Variants in L3MBTL3 observed in about 807,000 individuals in gnomAD.
L3MBTL3 encodes the protein L3MBTL histone methyl-lysine binding protein 3.
Under a neutral mutation model 102.3 loss-of-function variants are expected in L3MBTL3, and 27 were observed. The ratio of observed to expected loss-of-function variants is 0.26; its 90% confidence interval spans 0.19 to 0.36. The LOEUF is 0.36. L3MBTL3 is among the 10% of genes least tolerant of loss of function. L3MBTL3 has a pLI of 1.00. For synonymous variants in L3MBTL3, 340 were observed against 320.9 expected (o/e 1.06, Z -0.64); for missense variants, 798 against 955.3 (o/e 0.84, Z 2.17).
intron 14 of L3MBTL3, among the ~76,000 whole-genome samples, chr6:130,081,411 G>T (rs1289476027): frequency 6.8e-6 from 1 of 148,036 alleles, no homozygotes; most frequent in Non-Finnish European, 1.5e-5. Flanking sequence ...CTATGTTTGC[G>T]TATTAACTCC....
rs939187634 is a variant in L3MBTL3 at position 130,088,500 on chromosome 6, A to G, written c.1518+2250A>G. On this transcript the variant is annotated intron_variant, in intron 16 of 22. Transcript: ENST00000361794. ...GTTTTTCAGGGATAAAATCAACTCA[A>G]GTAAAATCATCTTTTAAGATTACAT... 3.3e-5 allele frequency among the ~76,000 whole-genome samples: 5 copies of G among 152,214 alleles called. No homozygotes were observed. In the East Asian group the frequency reaches 9.6e-4, roughly 29 times the overall value.
intron 2 of L3MBTL3, among the ~76,000 whole-genome samples, chr6:130,023,660 T>G (rs1779152506): frequency 6.6e-6 from 1 of 152,168 alleles, no homozygotes; most frequent in African/African-American, 2.4e-5. Context: ...CATCTTTTGT[T>G]AAAAGAATCA....
At chr6:130,070,639 A>G (rs1036132740) in intron 12 of L3MBTL3, among the ~76,000 whole-genome samples, 2 of 152,182 alleles carry the variant, frequency 1.3e-5, no homozygotes, top group East Asian at 1.9e-4. Flanking sequence ...TGTGAACTAT[A>G]TGGTGAATAA....
chr6:130,113,418 G>C (rs933566046), intron 19 of L3MBTL3, among the ~76,000 whole-genome samples: 2 of 152,168 alleles, frequency 1.3e-5, no homozygotes, highest in African/African-American at 4.8e-5. Context: ...ACATAGCCTT[G>C]TTCTCATGAA....
chr6:130,133,467 C>G lies in L3MBTL3; in HGVS notation c.1982C>G (p.Pro661Arg). 1 of 1,613,876 alleles carries G rather than the reference C, an allele frequency of 6.2e-7. No homozygotes were observed. The highest frequency in any genetic ancestry group is 1.1e-5 in the South Asian group (1 of 91,052). The change falls in exon 21 of 23, where the codon CCC becomes CGC. Residue 661 changes from proline to arginine, a missense_variant. This residue lies in a region of L3MBTL3 where 306 missense variants were observed against 314.4 expected (regional missense o/e 0.97). Coordinates refer to ENST00000361794, the MANE Select transcript of L3MBTL3 (RefSeq NM_032438.4). The surrounding 1 kb of genome is among the most constrained non-coding windows in gnomAD (Gnocchi z 4.9). The part of the protein sequence containing the change: ...SHEARGAREE[P>R]TVQQAQRRSA... The stretch of plus-strand genomic sequence containing the variant: ...CATTGACCAGGTGCCCGGGAAGAAC[C>G]CACCGTCCAGCAGGCACAGCGTCGG...
chr6:130,102,974 A>G (rs1484889237), intron 18 of L3MBTL3, among the ~76,000 whole-genome samples: 7 of 152,182 alleles, frequency 4.6e-5, no homozygotes, highest in Admixed American at 3.9e-4. Context: ...TTTATTGTCC[A>G]CTGAGTTTCC....
chr6:130,020,612 C>T (rs1465606346), intron 1 of L3MBTL3: 1 of 151,984 alleles, frequency 6.6e-6, no homozygotes, highest in East Asian at 1.9e-4. Context: ...GGGTAACTAG[C>T]CGCTTTCCAG....
intron 14 of L3MBTL3, among the ~76,000 whole-genome samples, chr6:130,079,990 C>G (rs1220249227): frequency 3.3e-5 from 5 of 152,186 alleles, no homozygotes; most frequent in Admixed American, 6.5e-5. Context: ...ACCTATGGCT[C>G]ACGCCTATAA....
At chr6:130,058,233 A>G (rs1006117631) in intron 9 of L3MBTL3, among the ~76,000 whole-genome samples, 1 of 151,694 alleles carries the variant, frequency 6.6e-6, no homozygotes, top group Admixed American at 6.6e-5. Flanking sequence ...GGGTCACTAT[A>G]TTATATTAGC....
At chr6:130,049,572 A>G (rs1320158115) in intron 4 of L3MBTL3, 179 bp downstream of exon 4, 1 of 697,296 alleles carries the variant, frequency 1.4e-6, no homozygotes, top group Non-Finnish European at 2.3e-6. Flanking sequence ...TAAAATAACT[A>G]TAAACTGTCT....
At chr6:130,098,121 T>C (rs1027346720) in intron 18 of L3MBTL3, among the ~76,000 whole-genome samples, 1 of 152,206 alleles carries the variant, frequency 6.6e-6, no homozygotes, top group Non-Finnish European at 1.5e-5. Context: ...CTGAATCTTT[T>C]CTTTGTAAGA....
chr6:130,118,084 A>G (rs923841387), intron 19 of L3MBTL3, among the ~76,000 whole-genome samples: 2 of 152,048 alleles, frequency 1.3e-5, no homozygotes, highest in Non-Finnish European at 2.9e-5. Flanking sequence ...GACCTTATCA[A>G]TGAAAGACAA....
chr6:130,026,776 T>A (rs1359816040), intron 2 of L3MBTL3, among the ~76,000 whole-genome samples: 1 of 152,056 alleles, frequency 6.6e-6, no homozygotes, highest in Non-Finnish European at 1.5e-5. Context: ...AGAGACCCAA[T>A]AAGGTAGTAG....
intron 20 of L3MBTL3, among the ~76,000 whole-genome samples, chr6:130,127,683 A>T (rs754399919): frequency 3.3e-5 from 5 of 152,158 alleles, no homozygotes; most frequent in Non-Finnish European, 7.4e-5. Context: ...TATTACTCCC[A>T]TCTATCATTT....
intron 19 of L3MBTL3, among the ~76,000 whole-genome samples, chr6:130,111,318 A>G (rs1785333245): frequency 6.6e-6 from 1 of 152,166 alleles, no homozygotes; most frequent in African/African-American, 2.4e-5. Flanking sequence ...GGGATGAGGG[A>G]GCTGAACTAC....
At chr6:130,110,097 G>T (rs945104190) in intron 19 of L3MBTL3, among the ~76,000 whole-genome samples, 3 of 152,126 alleles carry the variant, frequency 2.0e-5, no homozygotes, top group African/African-American at 7.2e-5. Context: ...TTTGGTTACC[G>T]TAGCCTTGTA....
intron 19 of L3MBTL3, among the ~76,000 whole-genome samples, chr6:130,110,781 G>A (rs1299962333): frequency 6.6e-6 from 1 of 152,206 alleles, no homozygotes; most frequent in East Asian, 1.9e-4. Flanking sequence ...GGTTTTCAAA[G>A]GGAATGCTTC....
intron 16 of L3MBTL3, among the ~76,000 whole-genome samples, chr6:130,090,356 C>T (rs978452289): frequency 6.6e-5 from 10 of 152,048 alleles, no homozygotes; most frequent in African/African-American, 1.2e-4. Flanking sequence ...AAATTAATGT[C>T]GTTTAAGTGC....
chr6:130,029,785 G>T (rs1037142997), intron 2 of L3MBTL3, among the ~76,000 whole-genome samples: 1 of 152,070 alleles, frequency 6.6e-6, no homozygotes, highest in Admixed American at 6.5e-5. Context: ...TTCTTGGAGG[G>T]CATGTGGACC....
Sources: gnomAD v4.1 joint callset for allele counts (sites outside exome capture counted in the v4.1 genomes callset) on GRCh38, gnomAD v4.1.1 for gene constraint, gnomAD v4.1.1 regional missense constraint, Gnocchi (gnomAD v3.1) non-coding constraint, MANE v1.5 for transcripts, NCBI Gene and HGNC (gene_info 2026-07-23, HGNC 2026-07-21) for gene names.